DMKN: variants seen among roughly 807,000 people sequenced by gnomAD.
DMKN encodes the protein epidermis-specific secreted protein SK30/SK89.
In DMKN, 58 loss-of-function variants were observed where a neutral mutation model predicts 67.6. The ratio of observed to expected loss-of-function variants is 0.86; its 90% CI spans 0.69 to 1.07. The LOEUF is 1.07. Ranked by LOEUF, DMKN falls within the 50% of genes least tolerant of loss-of-function variation. DMKN has a pLI of 0.00. For missense variants in DMKN, 596 were observed against 601.5 expected, an observed-to-expected ratio of 0.99 and a Z score of 0.10; for synonymous variants, 240 against 232.3, an observed-to-expected ratio of 1.03 and a Z score of -0.30.
At chr19:35,501,861 G>A (rs1339344401) in intron 11 of DMKN, 1 of 1,586,232 alleles carries the variant, frequency 6.3e-7, no homozygotes, top group Non-Finnish European at 8.6e-7. Context: ...AGGCCCAGCA[G>A]GAGCAGGAGC....
At chr19:35,498,460 C>T (rs959968567) in intron 15 of DMKN, 4 of 555,872 alleles carry the variant, frequency 7.2e-6, no homozygotes, top group African/African-American at 1.9e-5. Context: ...CCTCCCACCC[C>T]AGCCTCCCAA....
intron 15 of DMKN, 134 bp downstream of exon 15, chr19:35,498,582 C>A: frequency 4.0e-6 from 5 of 1,239,792 alleles, no homozygotes; most frequent in Non-Finnish European, 5.6e-6. Flanking sequence ...CTTTAGAGCA[C>A]GCACCCAGAG....
Position 35,513,534 on chromosome 19 carries a change from C to T in DMKN, c.-59G>A. On this transcript the variant is annotated 5_prime_UTR_variant, in exon 1 of 16. Transcript: ENST00000339686. Reference sequence around the variant, plus strand: ...TCCTCCCACCAGGGTCTCCTCCTTGCCGCCCTTGCTCTGCGTCTCTGTGCC... The same window carrying T: ...TCCTCCCACCAGGGTCTCCTCCTTGTCGCCCTTGCTCTGCGTCTCTGTGCC... The T allele has an allele frequency of 6.5e-7, 1 of 1,540,302 alleles. No individual in the cohort carries two copies.
intron 7 of DMKN, 193 bp downstream of exon 7, chr19:35,509,718 C>G (rs2070350007): frequency 1.6e-6 from 1 of 626,442 alleles, no homozygotes; most frequent in African/African-American, 1.8e-5. Flanking sequence ...TATATCACAG[C>G]AAGATTTGCA....
intron 10 of DMKN, 139 bp downstream of exon 10, chr19:35,502,691 C>G: frequency 1.2e-6 from 1 of 837,384 alleles, no homozygotes; most frequent in Admixed American, 2.1e-5. Flanking sequence ...GGTGATAGAG[C>G]GAGACTCTGT....
intron 15 of DMKN, chr19:35,498,436 C>G (rs2067808228): frequency 5.9e-6 from 3 of 512,748 alleles, no homozygotes; most frequent in Non-Finnish European, 1.0e-5. Flanking sequence ...CTCAAACTCC[C>G]AGACTCAAGT....
chr19:35,511,705 G>A (rs2146225954), intron 4 of DMKN, 58 bp downstream of exon 4: 3 of 1,597,254 alleles, frequency 1.9e-6, no homozygotes, highest in Admixed American at 1.7e-5. Flanking sequence ...TCTAAGGGGA[G>A]CAGAACTTCT....
chr19:35,505,752 T>C lies in DMKN; in HGVS notation c.1100A>G (p.Lys367Arg). Residue 367 changes from lysine to arginine, a missense_variant, in exon 9 of 16, where the codon AAG becomes AGG. By Grantham distance (26) the Lys-to-Arg change is conservative. Coordinates refer to ENST00000339686, the MANE Select transcript of DMKN (RefSeq NM_033317.5). ...FDTFWKNFKS[K>R]LGFINWDAIN... ...GGCATCCCAGTTGATGAAACCCAGC[T>C]TGGATTTAAAATTCTATGGAGGAAA... 1 of 1,614,154 alleles carries C rather than the reference T, an allele frequency of 6.2e-7. No individual in the cohort carries two copies. Among genetic ancestry groups the C allele is most frequent in the South Asian group, 1.1e-5 (1 of 91,076 alleles).
Position 35,499,954 on chromosome 19 carries a change from T to A in DMKN, c.1359+4A>T, listed in dbSNP as rs1599808678. 6.2e-7 allele frequency: 1 copy of A among 1,614,092 alleles called. No individual in the cohort carries two copies. The highest frequency in any genetic ancestry group is 2.2e-5 in the East Asian group (1 of 44,880). On this transcript the variant is annotated splice_donor_region_variant and intron_variant, in intron 13 of 15. Coordinates refer to ENST00000339686, the MANE Select transcript of DMKN (RefSeq NM_033317.5). ...CGGGAAGACAGGGTGGTTGCCGGTCTCACCTTTGCAGGGGTCTTGACTGAG... is the reference window on the plus strand; with the variant it reads ...CGGGAAGACAGGGTGGTTGCCGGTCACACCTTTGCAGGGGTCTTGACTGAG...
chr19:35,506,721 A>C (rs2069611460), intron 7 of DMKN: 2 of 324,094 alleles, frequency 6.2e-6, no homozygotes, highest in South Asian at 2.4e-5. Context: ...ATATATCTTA[A>C]ATTTTTTTGA....
intron 7 of DMKN, chr19:35,506,743 G>T: frequency 3.1e-6 from 1 of 326,818 alleles, no homozygotes; most frequent in Non-Finnish European, 6.2e-6. Flanking sequence ...GCTGGGCATC[G>T]TGGGTCACGC....
At chr19:35,500,356 G>C in intron 12 of DMKN, 177 bp downstream of exon 12, 3 of 1,550,354 alleles carry the variant, frequency 1.9e-6, no homozygotes, top group Non-Finnish European at 2.6e-6. Flanking sequence ...GTAACCCAGC[G>C]GGTCCATGGT....
At position 35,511,576 on chromosome 19, in the gene DMKN, C is replaced by T; in HGVS notation, c.753G>A (p.Gln251=). ...TGCTGCCACTGCCACTGCTGCCCGA[C>T]TGTGAGCCGCTGCCTCCCTGAGGGG... The part of the protein sequence containing the change: ...SSNSGGGSGS[Q]SGSSGSGSNG... The change falls in exon 5 of 16, where the codon CAG becomes CAA. Residue 251 remains glutamine, a synonymous_variant. Transcript: ENST00000339686. 6.2e-7 allele frequency: 1 copy of T among 1,605,506 alleles called. No homozygotes were observed. Among genetic ancestry groups the T allele is most frequent in the Non-Finnish European group, 8.5e-7 (1 of 1,178,026 alleles).
At chr19:35,499,695 A>G (rs1041623806) in intron 13 of DMKN, among the ~76,000 whole-genome samples, 2 of 152,036 alleles carry the variant, frequency 1.3e-5, no homozygotes, top group Non-Finnish European at 2.9e-5. Context: ...GTTGGTTCTC[A>G]GTTTTCTCTG....
intron 7 of DMKN, chr19:35,506,379 C>A: frequency 3.2e-6 from 2 of 631,134 alleles, no homozygotes; most frequent in Non-Finnish European, 5.7e-6. Flanking sequence ...ATGGATTGCT[C>A]CCATGGAACC....
At chr19:35,503,483 T>TG (rs753950365) in intron 9 of DMKN, 47 of 1,539,988 alleles carry the variant, frequency 3.1e-5, no homozygotes, top group Admixed American at 2.2e-4. Context: ...TGTTTTTTTT[T>TG]TTTTTTTTTT....
intron 13 of DMKN, chr19:35,499,755 C>T (rs868829436): frequency 1.1e-5 from 6 of 560,252 alleles, no homozygotes; most frequent in South Asian, 9.4e-5. Flanking sequence ...GGGTGTGAGG[C>T]GCATTGAACC....
intron 7 of DMKN, chr19:35,507,588 G>T: frequency 7.9e-7 from 1 of 1,258,014 alleles, no homozygotes; most frequent in Non-Finnish European, 1.1e-6. Flanking sequence ...GAAGCAGGGT[G>T]TCGGCGAGGG....
rs201224419 is a variant in DMKN at position 35,502,164 on chromosome 19, G to C, written c.1211C>G (p.Pro404Arg). 1.2e-6 allele frequency: 2 copies of C among 1,614,154 alleles called. No individual in the cohort carries two copies. The highest frequency in any genetic ancestry group is 2.7e-5 in the African/African-American group (2 of 75,038). Residue 404 changes from proline to arginine, a missense_variant, in exon 11 of 16, where the codon CCT (proline) becomes CGT (arginine). Pro to Arg is a moderately radical substitution (Grantham distance 103). Transcript: ENST00000339686. ...RLWEDFKQNT[P>R]FLNWKAIIEG... is the part of the protein sequence containing the mutation. ...AATAATTGCTTTCCAGTTGAGGAAAGGAGTGTTCTGTTTGAAATCCTGCAG... is the reference window on the plus strand; with the variant it reads ...AATAATTGCTTTCCAGTTGAGGAAACGAGTGTTCTGTTTGAAATCCTGCAG...
Sources: allele counts gnomAD v4.1 joint callset (sites outside exome capture counted in the v4.1 genomes callset), GRCh38; gene constraint gnomAD v4.1.1; transcripts MANE v1.5; gene names NCBI Gene and HGNC (gene_info 2026-07-23, HGNC 2026-07-21).